Variants in MMP16 observed in about 807,000 individuals in gnomAD.
MMP16 encodes matrix metalloproteinase-16.
Under a neutral mutation model 67.8 loss-of-function variants are expected in MMP16, and 12 were observed. The ratio of observed to expected loss-of-function variants is 0.18; its 90% CI spans 0.11 to 0.29. The LOEUF (loss-of-function observed/expected upper bound fraction) is 0.29, where lower values mean the gene tolerates loss of function less well. Among genes scored for constraint, MMP16 ranks in the 10% least tolerant of loss-of-function variants. MMP16 has a pLI of 1.00. For missense variants in MMP16, 475 were observed against 765.7 expected (o/e 0.62, Z 4.48); for synonymous variants, 249 against 255.9 (o/e 0.97, Z 0.26).
chr8:88,169,074 T>A (rs1265172619), intron 3 of MMP16, among the ~76,000 whole-genome samples: 1 of 152,058 alleles, frequency 6.6e-6, no homozygotes, highest in South Asian at 2.1e-4. Flanking sequence ...TGAAATGCAA[T>A]CATAAAAGAG....
chr8:88,195,759 T>G (rs571618397), intron 2 of MMP16, among the ~76,000 whole-genome samples: 2 of 152,200 alleles, frequency 1.3e-5, no homozygotes, highest in African/African-American at 4.8e-5. Flanking sequence ...CTTTTTATTC[T>G]TGATTCTGTT....
At chr8:88,254,464 T>G (rs1290421865) in intron 1 of MMP16, among the ~76,000 whole-genome samples, 10 of 147,452 alleles carry the variant, frequency 6.8e-5, no homozygotes, top group Middle Eastern at 3.4e-3. Flanking sequence ...AAATAAAAGT[T>G]AAAAAGGAAA....
chr8:88,272,915 T>G (rs955115986), intron 1 of MMP16, among the ~76,000 whole-genome samples: 3 of 152,034 alleles, frequency 2.0e-5, no homozygotes, highest in Non-Finnish European at 4.4e-5. Flanking sequence ...TAAAATTCTA[T>G]GATTCTGTCA....
At chr8:88,308,639 C>G (rs1811248116) in intron 1 of MMP16, among the ~76,000 whole-genome samples, 1 of 151,986 alleles carries the variant, frequency 6.6e-6, no homozygotes, top group Non-Finnish European at 1.5e-5. Context: ...GTTTCCTTAT[C>G]TACACTAAAA....
At chr8:88,092,837 A>C (rs1808960992) in intron 6 of MMP16, among the ~76,000 whole-genome samples, 1 of 151,832 alleles carries the variant, frequency 6.6e-6, no homozygotes, top group South Asian at 2.1e-4. Flanking sequence ...TGTATGTGTA[A>C]GTATACCATC....
At chr8:88,235,454 C>T (rs1272939048) in intron 1 of MMP16, among the ~76,000 whole-genome samples, 4 of 151,202 alleles carry the variant, frequency 2.6e-5, no homozygotes. Flanking sequence ...AGTGATATGC[C>T]AGGTAAATGC....
At chr8:88,233,254 C>T (rs1269478273) in intron 1 of MMP16, among the ~76,000 whole-genome samples, 2 of 151,938 alleles carry the variant, frequency 1.3e-5, no homozygotes, top group Admixed American at 6.6e-5. Context: ...TTAAAGTTGC[C>T]GATCAGATAA....
chr8:88,074,105 A>G (rs1808606029), intron 7 of MMP16, among the ~76,000 whole-genome samples: 1 of 152,216 alleles, frequency 6.6e-6, no homozygotes, highest in Non-Finnish European at 1.5e-5. Flanking sequence ...GCACTCAGAT[A>G]AATAACAGAC....
chr8:88,274,071 T>C (rs771999276), intron 1 of MMP16, among the ~76,000 whole-genome samples: 3 of 152,158 alleles, frequency 2.0e-5, no homozygotes, highest in African/African-American at 4.8e-5. Flanking sequence ...ATAATCATTT[T>C]GGATACTAAG....
chr8:88,071,803 G>A (rs1586134957), intron 7 of MMP16, among the ~76,000 whole-genome samples: 1 of 152,140 alleles, frequency 6.6e-6, no homozygotes, highest in South Asian at 2.1e-4. Flanking sequence ...TCTAAGAATA[G>A]TTTTTACATT....
Position 88,067,562 on chromosome 8 carries a change from G to A in MMP16, c.1222+7043C>T, listed in dbSNP as rs528665204. On this transcript the variant is annotated intron_variant, in intron 7 of 9. Transcript: ENST00000286614. ...AATGAACATTTCATCATTCTGAGAA[G>A]TTTTCTTCACACCCAACTCTTGCCT... Among the ~76,000 whole-genome samples the A allele has an allele frequency of 3.3e-5, 5 of 152,176 alleles. No homozygotes were observed. In the South Asian group the frequency reaches 8.3e-4, roughly 25 times the overall value.
intron 6 of MMP16, among the ~76,000 whole-genome samples, chr8:88,090,597 C>T (rs1257926343): frequency 6.6e-6 from 1 of 151,654 alleles, no homozygotes; most frequent in African/African-American, 2.4e-5. Context: ...CTGATTGGTG[C>T]TCAAATGCAT....
chr8:88,228,883 G>A (rs546284802), intron 1 of MMP16, among the ~76,000 whole-genome samples: 83 of 151,972 alleles, frequency 5.5e-4, no homozygotes, highest in Non-Finnish European at 1.0e-3. Flanking sequence ...ACTACAGGCC[G>A]GGCATGATGG....
chr8:88,219,981 C>A (rs1046973965), intron 1 of MMP16, among the ~76,000 whole-genome samples: 1 of 152,026 alleles, frequency 6.6e-6, no homozygotes, highest in African/African-American at 2.4e-5. Context: ...TATATTTATA[C>A]CGCCTTTAAT....
chr8:88,294,385 C>T (rs187115571), intron 1 of MMP16, among the ~76,000 whole-genome samples: 10 of 150,494 alleles, frequency 6.6e-5, no homozygotes, highest in African/African-American at 2.0e-4. Context: ...CATCTATACA[C>T]ACATATATAC....
chr8:88,224,402 C>T (rs534770305), intron 1 of MMP16, among the ~76,000 whole-genome samples: 1 of 152,010 alleles, frequency 6.6e-6, no homozygotes, highest in South Asian at 2.1e-4. Flanking sequence ...TAACTTTTGT[C>T]CATTAATAGT....
Position 88,167,846 on chromosome 8 carries a change from C to T in MMP16, c.532G>A (p.Gly178Ser), listed in dbSNP as rs1197786920. 2.5e-6 allele frequency: 4 copies of T among 1,613,800 alleles called. No individual in the cohort carries two copies. The highest frequency in any genetic ancestry group is 2.5e-6 in the Non-Finnish European group (3 of 1,179,942). Reference protein sequence around the residue: ...EEVPYSELENGKRDVDITIIF... With the variant: ...EEVPYSELENSKRDVDITIIF... The stretch of plus-strand genomic sequence containing the variant: ...ATGGTTATATCCACATCACGTTTGC[C>T]ATTTTCTAATTCACTGTAGGGAACT... The change falls in exon 4 of 10, where the codon GGC (glycine) becomes AGC (serine). Residue 178 changes from glycine (G) to serine (S), a missense_variant. Physicochemically the swap from Gly to Ser is moderately conservative, Grantham distance 56 (BLOSUM62 0). Coordinates refer to ENST00000286614, the MANE Select transcript of MMP16 (RefSeq NM_005941.5).
At chr8:88,126,131 C>A (rs1216108560) in intron 4 of MMP16, among the ~76,000 whole-genome samples, 1 of 151,768 alleles carries the variant, frequency 6.6e-6, no homozygotes, top group Non-Finnish European at 1.5e-5. Flanking sequence ...CAATTATCTA[C>A]TATGTGCAAG....
chr8:88,279,809 G>A (rs1810704219), intron 1 of MMP16, among the ~76,000 whole-genome samples: 1 of 152,150 alleles, frequency 6.6e-6, no homozygotes, highest in South Asian at 2.1e-4. Flanking sequence ...CCATCTAAAA[G>A]GAACTCTAAT....
Sources: allele counts gnomAD v4.1 joint callset (sites outside exome capture counted in the v4.1 genomes callset), GRCh38; gene constraint gnomAD v4.1.1; transcripts MANE v1.5; gene names NCBI Gene and HGNC (gene_info 2026-07-23, HGNC 2026-07-21).